The following PTPRR variants were observed in gnomAD, a reference collection of about 807,000 sequenced individuals.
PTPRR encodes protein tyrosine phosphatase receptor type R.
In PTPRR, 38 loss-of-function variants were observed where a neutral mutation model predicts 77.2. The ratio of observed to expected loss-of-function variants is 0.49; its 90% CI spans 0.38 to 0.65. The LOEUF (loss-of-function observed/expected upper bound fraction) is 0.65. Ranked by LOEUF, PTPRR falls within the 30% of genes least tolerant of loss-of-function variation. The pLI is 0.00. For synonymous variants in PTPRR, 299 were observed against 283.1 expected (o/e 1.06, Z -0.57); for missense variants, 744 against 799.2 (o/e 0.93, Z 0.83).
intron 7 of PTPRR, among the ~76,000 whole-genome samples, chr12:70,699,616 G>A (rs1173267953): frequency 6.6e-6 from 1 of 152,054 alleles, no homozygotes; most frequent in Non-Finnish European, 1.5e-5. Context: ...CTGGCCCCAA[G>A]TTACTTATTT....
intron 2 of PTPRR, among the ~76,000 whole-genome samples, chr12:70,813,817 A>G (rs941066879): frequency 2.0e-4 from 30 of 152,278 alleles, no homozygotes; most frequent in African/African-American, 5.3e-4. Context: ...GAAAAGAGAG[A>G]CCTACATAGA....
chr12:70,873,499 G>C lies in PTPRR; in HGVS notation c.357+19180C>G, dbSNP rs373198040. Among the ~76,000 whole-genome samples the C allele has an allele frequency of 2.1e-4, 32 of 152,274 alleles. No homozygotes were observed. The East Asian group carries it at 4.6e-3, about 22-fold the overall frequency. On this transcript the variant is annotated intron_variant, in intron 2 of 13. Coordinates refer to ENST00000283228, the MANE Select transcript of PTPRR (RefSeq NM_002849.4). Reference sequence around the variant, plus strand: ...CCATCTCTAAACAGAAGTCAGCTTTGTTGAGTCTACAATAAAAGTAAAAGG... The same window carrying C: ...CCATCTCTAAACAGAAGTCAGCTTTCTTGAGTCTACAATAAAAGTAAAAGG...
At chr12:70,904,667 G>C (rs1348139412) in intron 1 of PTPRR, among the ~76,000 whole-genome samples, 1 of 151,734 alleles carries the variant, frequency 6.6e-6, no homozygotes, top group Non-Finnish European at 1.5e-5. Context: ...CACCAAAAAA[G>C]TCAATAGGTT....
intron 2 of PTPRR, among the ~76,000 whole-genome samples, chr12:70,832,143 T>C (rs1422926951): frequency 1.3e-5 from 2 of 152,230 alleles, no homozygotes; most frequent in Non-Finnish European, 2.9e-5. Flanking sequence ...TCGCTCCATA[T>C]GCTGGACGCT....
intron 1 of PTPRR, among the ~76,000 whole-genome samples, chr12:70,902,302 T>C (rs986180404): frequency 1.4e-4 from 21 of 151,742 alleles, no homozygotes; most frequent in African/African-American, 4.8e-4. Context: ...GATTCAGCAA[T>C]CCCACTACTG....
At chr12:70,893,402 T>A (rs1318390408) in intron 1 of PTPRR, among the ~76,000 whole-genome samples, 1 of 151,972 alleles carries the variant, frequency 6.6e-6, no homozygotes, top group African/African-American at 2.4e-5. Flanking sequence ...TTCATACTTA[T>A]TGCTTGTATT....
At chr12:70,666,314 T>G (rs1020924507) in intron 10 of PTPRR, among the ~76,000 whole-genome samples, 3 of 152,176 alleles carry the variant, frequency 2.0e-5, no homozygotes, top group African/African-American at 7.2e-5. Flanking sequence ...AATGACCTGT[T>G]CCCTCTGTCA....
intron 13 of PTPRR, among the ~76,000 whole-genome samples, chr12:70,655,949 C>T (rs1471881425): frequency 1.3e-5 from 2 of 152,158 alleles, no homozygotes; most frequent in African/African-American, 4.8e-5. Flanking sequence ...CAGTGCCTTT[C>T]ACCTGTAATC....
At chr12:70,761,436 C>T in intron 4 of PTPRR, 35 bp downstream of exon 4, 1 of 1,514,292 alleles carries the variant, frequency 6.6e-7, no homozygotes, top group Non-Finnish European at 8.9e-7. Flanking sequence ...TAACTGTTCA[C>T]ATTTTTAAAT....
Position 70,745,815 on chromosome 12 carries a change from T to C in PTPRR, c.1007+3A>G, listed in dbSNP as rs1356503691. The C allele has an allele frequency of 1.9e-6, 3 of 1,613,774 alleles. No homozygotes were observed. Among genetic ancestry groups the C allele is most frequent in the Non-Finnish European group, 2.5e-6 (3 of 1,179,936 alleles). On this transcript the variant is annotated splice_donor_region_variant and intron_variant, in intron 6 of 13. Transcript: ENST00000283228. ...ACGTAGGGTATACAGAACAAGCTCT[T>C]ACCTCTCTTGAAGTCCTATGGGCTT...
chr12:70,901,455 A>G (rs1452287050), intron 1 of PTPRR, among the ~76,000 whole-genome samples: 7 of 151,642 alleles, frequency 4.6e-5, no homozygotes, highest in African/African-American at 1.7e-4. Flanking sequence ...AATAAACCCA[A>G]CTACTTACAG....
At chr12:70,893,508 AAAC>A (rs1165520742) in intron 1 of PTPRR, among the ~76,000 whole-genome samples, 1 of 151,968 alleles carries the variant, frequency 6.6e-6, no homozygotes, top group African/African-American at 2.4e-5. Context: ...TCAGTAGTCC[AAAC>A]AATATCCATC....
chr12:70,763,550 A>G (rs972754725), intron 3 of PTPRR, among the ~76,000 whole-genome samples: 1 of 152,226 alleles, frequency 6.6e-6, no homozygotes, highest in African/African-American at 2.4e-5. Context: ...TGAAGAAATG[A>G]AACAACTCAC....
intron 13 of PTPRR, among the ~76,000 whole-genome samples, chr12:70,647,513 C>G (rs1886243999): frequency 6.6e-6 from 1 of 152,240 alleles, no homozygotes; most frequent in Admixed American, 6.5e-5. Flanking sequence ...GACCTTCTGT[C>G]ACTATCTCAA....
At chr12:70,722,775 C>G (rs1454169180) in intron 6 of PTPRR, among the ~76,000 whole-genome samples, 1 of 152,098 alleles carries the variant, frequency 6.6e-6, no homozygotes, top group Non-Finnish European at 1.5e-5. Context: ...TTCCTTGCCC[C>G]CTGTTTCACA....
intron 2 of PTPRR, among the ~76,000 whole-genome samples, chr12:70,866,224 C>CA (rs1892843094): frequency 6.6e-6 from 1 of 151,866 alleles, no homozygotes; most frequent in Non-Finnish European, 1.5e-5. Context: ...AAAAACCCTT[C>CA]AAAAAATTAA....
chr12:70,860,728 C>G (rs953409424), intron 2 of PTPRR, among the ~76,000 whole-genome samples: 1 of 152,018 alleles, frequency 6.6e-6, no homozygotes, highest in African/African-American at 2.4e-5. Flanking sequence ...ACAACATAGA[C>G]TAGTCAGGAT....
At chr12:70,784,575 C>G (rs1370621426) in intron 2 of PTPRR, among the ~76,000 whole-genome samples, 2 of 152,234 alleles carry the variant, frequency 1.3e-5, no homozygotes, top group African/African-American at 4.8e-5. Context: ...TTCTGTCTGC[C>G]TCCTCCCAGT....
intron 10 of PTPRR, chr12:70,673,093 G>A: frequency 9.9e-7 from 1 of 1,009,692 alleles, no homozygotes; most frequent in Non-Finnish European, 1.3e-6. Flanking sequence ...CAGCAGTTCT[G>A]GTACAATGAC....
Sources: gnomAD v4.1 joint callset for allele counts (sites outside exome capture counted in the v4.1 genomes callset) on GRCh38, gnomAD v4.1.1 for gene constraint, MANE v1.5 for transcripts, NCBI Gene and HGNC (gene_info 2026-07-23, HGNC 2026-07-21) for gene names.